The following ARGFX variants were observed in gnomAD, a reference collection of about 807,000 sequenced individuals.
ARGFX encodes arginine-fifty homeobox.
In ARGFX, 10 loss-of-function variants were observed where a neutral mutation model predicts 8.0. The observed-to-expected ratio is 1.25, with a 90% CI of 0.77 to 2.12. The LOEUF (loss-of-function observed/expected upper bound fraction) is 2.12. Ranked by LOEUF, ARGFX falls within the 30% of genes most tolerant of loss-of-function variation. The pLI is 0.00. For missense variants in ARGFX, 282 were observed against 324.3 expected, an observed-to-expected ratio of 0.87 and a Z score of 1.00; for synonymous variants, 116 against 117.8, an observed-to-expected ratio of 0.98 and a Z score of 0.10.
rs527905713 is a variant in ARGFX, at chr3:121,586,761, C to A, written c.*161C>A. The A allele has an allele frequency of 6.1e-6, 4 of 657,456 alleles. No individual in the cohort carries two copies. The highest frequency in any genetic ancestry group is 5.5e-5 in the African/African-American group (3 of 54,880). 40.7% of individuals were successfully genotyped at this position (657,456 alleles called of 1,614,324 possible). A position where few individuals can be genotyped will look rare whatever the true frequency, so the allele number is the denominator to read the frequency against. ...AGAGTTTTCCAAGTAGAGCTGGGCA[C>A]TACGTAATCAGCCCCACAAGTCTCC... On this transcript the variant is annotated 3_prime_UTR_variant, in exon 5 of 5. Transcript: ENST00000334384.
intron 3 of ARGFX, among the ~76,000 whole-genome samples, chr3:121,583,319 C>T (rs774309319): frequency 6.6e-6 from 1 of 151,944 alleles, no homozygotes. Flanking sequence ...TGTGAGTCAC[C>T]ACACCTGGCT....
At chr3:121,582,087 C>A (rs1186806748) in intron 3 of ARGFX, among the ~76,000 whole-genome samples, 1 of 151,970 alleles carries the variant, frequency 6.6e-6, no homozygotes, top group Non-Finnish European at 1.5e-5. Flanking sequence ...ATGAATAAAT[C>A]AAGTTCTTAT....
At chr3:121,572,743 T>C (rs2048716213) in intron 2 of ARGFX, among the ~76,000 whole-genome samples, 1 of 152,192 alleles carries the variant, frequency 6.6e-6, no homozygotes, top group Non-Finnish European at 1.5e-5. Flanking sequence ...GGAGGCCTCA[T>C]ATTACACAAT....
rs1432224583 is a variant in ARGFX, at chr3:121,588,673, C to T, written c.*2073C>T. On this transcript the variant is annotated 3_prime_UTR_variant, in exon 5 of 5. Transcript: ENST00000334384. ...GTGGCTCACACCTGTAATCCCAGCA[C>T]GTTGGGAGGCCAAGGCGGGCAGATC... Among the ~76,000 whole-genome samples, 13 of 151,496 alleles carry T rather than the reference C, an allele frequency of 8.6e-5. No homozygotes were observed. Among genetic ancestry groups the T allele is most frequent in the South Asian group, 2.1e-4 (1 of 4,802 alleles).
Position 121,584,984 on chromosome 3 carries a change from G to T in ARGFX, c.288G>T (p.Leu96=), listed in dbSNP as rs1325859147. The T allele has an allele frequency of 1.9e-6, 3 of 1,613,910 alleles. No homozygotes were observed. In the Admixed American group the frequency reaches 5.0e-5, roughly 27 times the overall value. Residue 96 remains leucine (L), a synonymous_variant, in exon 4 of 5, where the codon CTG becomes CTT. Transcript: ENST00000334384. ...AACAGTATGAGGAGCTAGAAGCTCT[G>T]TTTAGCCAGACCATGTTCCCAGATA... ...THQQYEELEA[L]FSQTMFPDRN...
intron 2 of ARGFX, among the ~76,000 whole-genome samples, chr3:121,574,483 T>C (rs1455824776): frequency 6.6e-6 from 1 of 152,298 alleles, no homozygotes; most frequent in East Asian, 1.9e-4. Flanking sequence ...CAGTGACAGA[T>C]CACCAGGCAT....
chr3:121,571,892 G>A (rs935946845), intron 2 of ARGFX, among the ~76,000 whole-genome samples: 1 of 151,176 alleles, frequency 6.6e-6, no homozygotes, highest in Non-Finnish European at 1.5e-5. Context: ...GCAATGGTGC[G>A]ATCTCAGCTC....
At position 121,589,854 on chromosome 3, in the gene ARGFX, G is replaced by A. The variant is rs1303534903; in HGVS notation, c.*3254G>A. On this transcript the variant is annotated 3_prime_UTR_variant, in exon 5 of 5. Coordinates refer to ENST00000334384, the MANE Select transcript of ARGFX (RefSeq NM_001012659.2). ...CTTCACTAATATATAGTCATAATGT[G>A]GTATATTCATAGAACATTCTCAATA... is the stretch of plus-strand genomic sequence containing the variant. 6.6e-6 allele frequency among the ~76,000 whole-genome samples: 1 copy of A among 151,988 alleles called. No individual in the cohort carries two copies. The highest frequency in any genetic ancestry group is 1.5e-5 in the Non-Finnish European group (1 of 68,020).
intron 3 of ARGFX, among the ~76,000 whole-genome samples, chr3:121,583,773 T>C (rs2048794478): frequency 1.3e-5 from 2 of 152,140 alleles, no homozygotes; most frequent in African/African-American, 4.8e-5. Flanking sequence ...GTGATGCTCT[T>C]ACCTTGGCCT....
At chr3:121,576,334 AATTT>A (rs1171410821) in intron 2 of ARGFX, among the ~76,000 whole-genome samples, 1 of 151,894 alleles carries the variant, frequency 6.6e-6, no homozygotes, top group East Asian at 1.9e-4. Context: ...TTCCAAACTC[AATTT>A]ATTTATTTAT....
chr3:121,580,012 G>T (rs2048768719), intron 3 of ARGFX, among the ~76,000 whole-genome samples: 2 of 135,376 alleles, frequency 1.5e-5, no homozygotes, highest in South Asian at 4.6e-4. Context: ...GAGTGCAGTG[G>T]CGCGGTCTCA....
In ARGFX at chr3:121,582,916, G is replaced by T. The variant is rs187629172; in HGVS notation, c.221-2001G>T. Reference sequence around the variant, plus strand: ...AGACAGGGTCTCATTATATTTCTCAGGCTGGTCTTAAATTCCTGGCCTCAA... The same window carrying T: ...AGACAGGGTCTCATTATATTTCTCATGCTGGTCTTAAATTCCTGGCCTCAA... On this transcript the variant is annotated intron_variant, in intron 3 of 4. Transcript: ENST00000334384. Among the ~76,000 whole-genome samples the T allele has an allele frequency of 4.1e-4, 62 of 152,058 alleles. No individual in the cohort carries two copies. In the East Asian group the frequency reaches 7.5e-3, roughly 18 times the overall value.
At position 121,586,201 on chromosome 3, in the gene ARGFX, C is replaced by T. The variant is rs1281220483; in HGVS notation, c.549C>T (p.Pro183=). 4 of 1,613,940 alleles carry T rather than the reference C, an allele frequency of 2.5e-6. No individual in the cohort carries two copies. The East Asian group carries it at 6.7e-5, about 27-fold the overall frequency. ...TCTACAGCTCCCTTCCATCTCAGCC[C>T]TTAGACCCTTCCAATTGGGCATGGA... ...SDFYSSLPSQ[P]LDPSNWAWNS... Residue 183 remains proline, a synonymous_variant, in exon 5 of 5, where the codon CCC becomes CCT. Transcript: ENST00000334384.
chr3:121,568,224 T>A (rs1393684927), intron 1 of ARGFX, among the ~76,000 whole-genome samples: 1 of 152,186 alleles, frequency 6.6e-6, no homozygotes, highest in Non-Finnish European at 1.5e-5. Flanking sequence ...GTGAGACTCC[T>A]TACTTACTGA....
At chr3:121,584,835 T>C in intron 3 of ARGFX, 82 bp from the exon 4 acceptor site, 3 of 1,484,102 alleles carry the variant, frequency 2.0e-6, no homozygotes, top group Non-Finnish European at 1.8e-6. Flanking sequence ...TGGTGATTTG[T>C]TTTTTGGTTT....
chr3:121,569,903 T>C (rs1419338115), intron 1 of ARGFX, among the ~76,000 whole-genome samples: 2 of 152,332 alleles, frequency 1.3e-5, no homozygotes, highest in South Asian at 2.1e-4. Flanking sequence ...GATGTCACCA[T>C]TGAGGGAGGC....
intron 2 of ARGFX, among the ~76,000 whole-genome samples, chr3:121,575,993 C>T (rs775839473): frequency 9.9e-5 from 15 of 151,952 alleles, no homozygotes; most frequent in Non-Finnish European, 1.6e-4. Flanking sequence ...AATAAGGTCT[C>T]ATTGTACATA....
rs1411572226 is a variant in ARGFX, at chr3:121,586,775, C to G, written c.*175C>G. 1.6e-6 allele frequency: 1 copy of G among 613,708 alleles called. No homozygotes were observed. Among genetic ancestry groups the G allele is most frequent in the African/African-American group, 1.8e-5 (1 of 54,216 alleles). 38.0% of individuals were successfully genotyped at this position (613,708 alleles called of 1,614,324 possible). On this transcript the variant is annotated 3_prime_UTR_variant, in exon 5 of 5. Transcript: ENST00000334384. ...AGAGCTGGGCACTACGTAATCAGCC[C>G]CACAAGTCTCCCTGAGAAGCCTGCC...
Position 121,589,579 on chromosome 3 carries a change from T to C in ARGFX, c.*2979T>C, listed in dbSNP as rs1194104906. On this transcript the variant is annotated 3_prime_UTR_variant, in exon 5 of 5. Coordinates refer to ENST00000334384, the MANE Select transcript of ARGFX (RefSeq NM_001012659.2). ...TTTAGTAGGGACAGGTTTTGCCATG[T>C]TGCCCAGGCTGGCCTCAAACTCCTG... Among the ~76,000 whole-genome samples the C allele has an allele frequency of 6.6e-6, 1 of 152,116 alleles. No individual in the cohort carries two copies. The highest frequency in any genetic ancestry group is 1.5e-5 in the Non-Finnish European group (1 of 68,030).
Sources: gnomAD v4.1 joint callset for allele counts (sites outside exome capture counted in the v4.1 genomes callset) on GRCh38, gnomAD v4.1.1 for gene constraint, MANE v1.5 for transcripts, NCBI Gene and HGNC (gene_info 2026-07-23, HGNC 2026-07-21) for gene names.